The following LRP1B variants were observed in gnomAD, a reference collection of about 807,000 sequenced individuals.
The protein encoded by LRP1B is LDL receptor related protein 1B, also known as low-density lipoprotein receptor-related protein 1B.
LRP1B carries 217 observed loss-of-function variants against 556.6 expected under a neutral mutation model. That is an observed-to-expected ratio of 0.39 (90% CI 0.35 to 0.44). The LOEUF is 0.44. Among genes scored for constraint, LRP1B ranks in the 20% least tolerant of loss-of-function variants. LRP1B has a pLI of 1.00. For missense variants in LRP1B, 5,053 were observed against 5,620.8 expected (o/e 0.90, Z 3.23); for synonymous variants, 2,047 against 1,865.8 (o/e 1.10, Z -2.50).
intron 60 of LRP1B, among the ~76,000 whole-genome samples, chr2:140,468,660 C>T (rs1426410969): frequency 1.3e-5 from 2 of 152,196 alleles, no homozygotes; most frequent in Non-Finnish European, 2.9e-5. Flanking sequence ...GGGGCCCAAT[C>T]GCCACACCAG....
intron 1 of LRP1B, among the ~76,000 whole-genome samples, chr2:142,121,071 G>T (rs1707441627): frequency 6.6e-6 from 1 of 152,064 alleles, no homozygotes; most frequent in South Asian, 2.1e-4. Flanking sequence ...TTTATTTCAT[G>T]CCTATCCTCC....
At position 140,301,605 on chromosome 2, in the gene LRP1B, T is replaced by A. The variant is rs1683825680; in HGVS notation, c.12806-3636A>T. 2.0e-5 allele frequency among the ~76,000 whole-genome samples: 3 copies of A among 152,076 alleles called. No individual in the cohort carries two copies. The South Asian group carries it at 6.2e-4, about 32-fold the overall frequency. ...GTACAGCTTTTTTTAATATAAAAAA[T>A]TATGTATCTTAATATATTACTTTCT... is the stretch of plus-strand genomic sequence containing the variant. On this transcript the variant is annotated intron_variant, in intron 83 of 90. Coordinates refer to ENST00000389484, the MANE Select transcript of LRP1B (RefSeq NM_018557.3).
At chr2:140,450,532 T>C in intron 63 of LRP1B, 36 bp downstream of exon 63, 1 of 1,491,784 alleles carries the variant, frequency 6.7e-7, no homozygotes, top group Non-Finnish European at 9.3e-7. Flanking sequence ...TAAGGAACTC[T>C]AAATTCTAAA....
intron 1 of LRP1B, among the ~76,000 whole-genome samples, chr2:141,819,195 G>C (rs542730036): frequency 6.6e-6 from 1 of 151,694 alleles, no homozygotes; most frequent in Non-Finnish European, 1.5e-5. Flanking sequence ...CTGAGATCAC[G>C]CCATTGTACT....
At chr2:140,371,325 AATAAC>A (rs1682983891) in intron 69 of LRP1B, 40 bp from the exon 70 acceptor site, 1 of 1,123,698 alleles carries the variant, frequency 8.9e-7, no homozygotes, top group African/African-American at 1.6e-5. Context: ...ATAGAGTAAA[AATAAC>A]AGGTTTTAGA....
chr2:141,799,259 G>A (rs1472786778), intron 2 of LRP1B, among the ~76,000 whole-genome samples: 1 of 152,116 alleles, frequency 6.6e-6, no homozygotes, highest in Non-Finnish European at 1.5e-5. Context: ...TCATTCTTAA[G>A]ATTATATCAC....
chr2:141,997,446 C>T (rs1052548220), intron 1 of LRP1B, among the ~76,000 whole-genome samples: 136 of 730 alleles, frequency 0.19, no homozygotes, highest in South Asian at 0.23. Context: ...TGTGTATATA[C>T]ACACACACAC....
chr2:140,835,235 A>C (rs1232920244), intron 31 of LRP1B, among the ~76,000 whole-genome samples: 1 of 152,244 alleles, frequency 6.6e-6, no homozygotes, highest in Non-Finnish European at 1.5e-5. Context: ...ACACAGACGT[A>C]AGAGCTTCAT....
At chr2:141,547,129 C>G (rs1215353237) in intron 2 of LRP1B, among the ~76,000 whole-genome samples, 1 of 152,170 alleles carries the variant, frequency 6.6e-6, no homozygotes, top group East Asian at 1.9e-4. Flanking sequence ...GCATCTAAAA[C>G]TGTACTCTAC....
At position 142,025,842 on chromosome 2, in the gene LRP1B, G is replaced by A. The variant is rs79616535; in HGVS notation, c.82+104806C>T. On this transcript the variant is annotated intron_variant, in intron 1 of 90. Coordinates refer to ENST00000389484, the MANE Select transcript of LRP1B (RefSeq NM_018557.3). ...CTTTATGTACTATGGTGAGGAATGC[G>A]CTCCATGCATTTTAAGAGAAGGTTA... 4.9e-3 allele frequency among the ~76,000 whole-genome samples: 742 copies of A among 152,170 alleles called. 4 individuals carry two copies. Among genetic ancestry groups the A allele is most frequent in the African/African-American group, 0.016 (662 of 41,528 alleles).
chr2:141,806,862 C>T (rs1696182097), intron 2 of LRP1B, among the ~76,000 whole-genome samples: 1 of 152,024 alleles, frequency 6.6e-6, no homozygotes, highest in African/African-American at 2.4e-5. Context: ...AGAGATTTCA[C>T]AATGTCACAA....
chr2:141,008,286 A>T (rs1525591), intron 14 of LRP1B, among the ~76,000 whole-genome samples: 63,171 of 150,618 alleles, frequency 0.42, 13,481 homozygotes, highest in East Asian at 0.6. Flanking sequence ...CAATTTTTTT[A>T]AAATAAAATT....
intron 43 of LRP1B, among the ~76,000 whole-genome samples, chr2:140,557,557 C>A (rs751537956): frequency 6.6e-6 from 1 of 152,076 alleles, no homozygotes; most frequent in Non-Finnish European, 1.5e-5. Context: ...TGGCCTGACC[C>A]CCTGTGACCT....
At chr2:142,007,061 C>T (rs958250834) in intron 1 of LRP1B, among the ~76,000 whole-genome samples, 24 of 151,972 alleles carry the variant, frequency 1.6e-4, no homozygotes, top group African/African-American at 5.6e-4. Flanking sequence ...TAGACCATCC[C>T]GACAAAACAA....
intron 41 of LRP1B, among the ~76,000 whole-genome samples, chr2:140,652,663 ATCATG>A (rs1249763547): frequency 3.9e-5 from 6 of 152,068 alleles, no homozygotes; most frequent in Admixed American, 3.9e-4. Context: ...AAAATTTAGA[ATCATG>A]AAAGTTTCCT....
intron 83 of LRP1B, among the ~76,000 whole-genome samples, chr2:140,306,645 C>A (rs1382348254): frequency 1.3e-5 from 2 of 150,870 alleles, no homozygotes; most frequent in African/African-American, 4.9e-5. Flanking sequence ...GTTTTTTGTG[C>A]CTCTATCTCC....
intron 3 of LRP1B, among the ~76,000 whole-genome samples, chr2:141,347,055 A>G (rs916807286): frequency 5.3e-5 from 8 of 152,182 alleles, no homozygotes; most frequent in African/African-American, 1.9e-4. Context: ...AATTATTAAT[A>G]TAAAAAGAAA....
intron 66 of LRP1B, among the ~76,000 whole-genome samples, chr2:140,433,073 G>A (rs1480499914): frequency 1.3e-5 from 2 of 152,144 alleles, no homozygotes; most frequent in Admixed American, 6.6e-5. Flanking sequence ...CTTTAGAAGT[G>A]TCTCCAACAA....
chr2:141,354,591 T>C (rs572256822), intron 3 of LRP1B, among the ~76,000 whole-genome samples: 10 of 152,222 alleles, frequency 6.6e-5, no homozygotes, highest in Admixed American at 3.9e-4. Flanking sequence ...TTTGCAAGTG[T>C]TGCTTTGTAG....
Sources: allele counts gnomAD v4.1 joint callset (sites outside exome capture counted in the v4.1 genomes callset), GRCh38; gene constraint gnomAD v4.1.1; transcripts MANE v1.5; gene names NCBI Gene and HGNC (gene_info 2026-07-23, HGNC 2026-07-21).